The following RAB3GAP1 variants were observed in gnomAD, a reference collection of about 807,000 sequenced individuals.
RAB3GAP1 encodes rab3 GTPase-activating protein catalytic subunit.
Under a neutral mutation model 130.7 loss-of-function variants are expected in RAB3GAP1, and 86 were observed. The observed-to-expected ratio is 0.66, with a 90% CI of 0.55 to 0.79. RAB3GAP1 has a LOEUF of 0.79. RAB3GAP1 is among the 30% of genes least tolerant of loss of function. The pLI, the probability that RAB3GAP1 is intolerant of heterozygous loss-of-function variation, is 0.00. For synonymous variants in RAB3GAP1, 367 were observed against 401.7 expected (o/e 0.91, Z 1.03); for missense variants, 1,029 against 1,169.4 (o/e 0.88, Z 1.75).
intron 3 of RAB3GAP1, among the ~76,000 whole-genome samples, chr2:135,075,501 A>C (rs1689606049): frequency 6.6e-6 from 1 of 152,122 alleles, no homozygotes; most frequent in Non-Finnish European, 1.5e-5. Flanking sequence ...TTGTTACTTT[A>C]ATTCTTGCTT....
At chr2:135,111,188 G>T (rs1690793161) in intron 5 of RAB3GAP1, among the ~76,000 whole-genome samples, 1 of 151,898 alleles carries the variant, frequency 6.6e-6, no homozygotes, top group African/African-American at 2.4e-5. Flanking sequence ...CCTGTTTGGG[G>T]CATTTCTTGA....
intron 5 of RAB3GAP1, among the ~76,000 whole-genome samples, chr2:135,093,931 A>AC (rs1317925947): frequency 6.6e-6 from 1 of 152,208 alleles, no homozygotes; most frequent in Non-Finnish European, 1.5e-5. Flanking sequence ...GGCAAGATGT[A>AC]CTCAGTTCCC....
At chr2:135,117,456 G>GCTTCTT (rs1691010625) in intron 7 of RAB3GAP1, among the ~76,000 whole-genome samples, 8 of 41,912 alleles carry the variant, frequency 1.9e-4, no homozygotes, top group East Asian at 8.9e-4. Flanking sequence ...TTCTTCTTCT[G>GCTTCTT]CTTCTGCTTC....
intron 17 of RAB3GAP1, among the ~76,000 whole-genome samples, chr2:135,145,776 G>A (rs186173652): frequency 3.1e-4 from 47 of 152,174 alleles, no homozygotes; most frequent in East Asian, 5.8e-4. Context: ...ATTATTGCCC[G>A]TCAAGATGCA....
rs111827608 is a variant in RAB3GAP1, at chr2:135,149,509, C to T, written c.1924-860C>T. On this transcript the variant is annotated intron_variant, in intron 17 of 23. Coordinates refer to ENST00000264158, the MANE Select transcript of RAB3GAP1 (RefSeq NM_012233.3). The stretch of plus-strand genomic sequence containing the variant: ...GGAGCCCAAGCTCTTAACCATTATA[C>T]AATACTACATTACAGGTTGTTATTC... 1.1e-3 allele frequency among the ~76,000 whole-genome samples: 175 copies of T among 152,302 alleles called. 1 individual carries two copies. Among genetic ancestry groups the T allele is most frequent in the African/African-American group, 4.1e-3 (170 of 41,566 alleles).
intron 5 of RAB3GAP1, among the ~76,000 whole-genome samples, chr2:135,101,374 A>T (rs911229092): frequency 1.3e-5 from 2 of 152,202 alleles, no homozygotes; most frequent in Admixed American, 6.6e-5. Context: ...TGACAATGAA[A>T]ATTTGAAAAC....
intron 3 of RAB3GAP1, 111 bp from the exon 4 acceptor site, chr2:135,090,887 T>C: frequency 1.1e-6 from 1 of 923,034 alleles, no homozygotes; most frequent in South Asian, 1.4e-5. Context: ...TCTTTGATTG[T>C]ATGGAGGATA....
chr2:135,057,364 A>C (rs960835515), intron 2 of RAB3GAP1, among the ~76,000 whole-genome samples: 3 of 152,134 alleles, frequency 2.0e-5, no homozygotes, highest in African/African-American at 7.2e-5. Flanking sequence ...TAGGTCAGTT[A>C]TTGTGGGTAG....
chr2:135,171,944 C>CCGG (rs1436404074), downstream of RAB3GAP1, among the ~76,000 whole-genome samples: 1 of 152,100 alleles, frequency 6.6e-6, no homozygotes, highest in African/African-American at 2.4e-5. Context: ...AGGAGTGTAC[C>CCGG]CGGCACGTGG....
intron 18 of RAB3GAP1, among the ~76,000 whole-genome samples, chr2:135,153,215 T>C (rs545964633): frequency 7.9e-5 from 12 of 152,374 alleles, no homozygotes; most frequent in Non-Finnish European, 1.6e-4. Context: ...ATTTAATTTT[T>C]ACTTTTCTTA....
At chr2:135,080,895 A>G (rs987799086) in intron 3 of RAB3GAP1, among the ~76,000 whole-genome samples, 1 of 152,118 alleles carries the variant, frequency 6.6e-6, no homozygotes, top group African/African-American at 2.4e-5. Context: ...TAGTGGGATG[A>G]TCTTGATCCA....
At chr2:135,081,530 G>A (rs1360203894) in intron 3 of RAB3GAP1, among the ~76,000 whole-genome samples, 3 of 150,452 alleles carry the variant, frequency 2.0e-5, no homozygotes, top group Non-Finnish European at 4.4e-5. Flanking sequence ...CTGTCTTTTG[G>A]GATTATTGTT....
At position 135,168,635 on chromosome 2, in the gene RAB3GAP1, C is replaced by T. The variant is rs77535003; in HGVS notation, c.2800C>T (p.Pro934Ser). Residue 934 changes from proline to serine, a missense_variant, in exon 24 of 24, where the codon CCT becomes TCT. Coordinates refer to ENST00000264158, the MANE Select transcript of RAB3GAP1 (RefSeq NM_012233.3). The stretch of plus-strand genomic sequence containing the variant: ...GAACTCCGTGTCAGACTTCCCACCC[C>T]CTGCTGGCCGGGAATTCATTTTGCG... ...RQNSVSDFPPPAGREFILRTT... is the reference protein window; with the variant it reads ...RQNSVSDFPPSAGREFILRTT... 1.7e-4 allele frequency: 280 copies of T among 1,614,186 alleles called. No individual in the cohort carries two copies. In the African/African-American group the frequency reaches 2.5e-3, roughly 14 times the overall value.
In RAB3GAP1 at chr2:135,151,581, C is replaced by T. The variant is rs372113415; in HGVS notation, c.2061+1075C>T. ...AACCTCTTAAGAGCTATATGTTTTC[C>T]TTGGAGACTAAAATGATACAGAAAA... On this transcript the variant is annotated intron_variant, in intron 18 of 23. Coordinates refer to ENST00000264158, the MANE Select transcript of RAB3GAP1 (RefSeq NM_012233.3). Among the ~76,000 whole-genome samples the T allele has an allele frequency of 9.1e-4, 138 of 152,150 alleles. 3 individuals are homozygous for T. The South Asian group carries it at 0.026, about 29-fold the overall frequency.
chr2:135,129,158 A>G (rs1199810229), intron 11 of RAB3GAP1, among the ~76,000 whole-genome samples: 1 of 151,482 alleles, frequency 6.6e-6, no homozygotes, highest in Non-Finnish European at 1.5e-5. Flanking sequence ...TCTCAAAAAT[A>G]ATAGTAATAA....
At position 135,093,645 on chromosome 2, in the gene RAB3GAP1, T is replaced by C; in HGVS notation, c.314T>C (p.Leu105Pro). ...DVVPQSMQDL[L>P]GMNNDFPPRA... is the part of the protein sequence containing the mutation. ...GTTCCACAATCTATGCAAGATTTGC[T>C]GGGTATGAATAATGACTTTCCTCCA... Residue 105 changes from leucine to proline, a missense_variant, in exon 5 of 24, where the codon CTG becomes CCG. Transcript: ENST00000264158. 1 of 1,613,782 alleles carries C rather than the reference T, an allele frequency of 6.2e-7. No individual in the cohort carries two copies. Among genetic ancestry groups the C allele is most frequent in the Non-Finnish European group, 8.5e-7 (1 of 1,179,640 alleles).
chr2:135,152,354 T>C (rs1455919073), intron 18 of RAB3GAP1, among the ~76,000 whole-genome samples: 1 of 152,246 alleles, frequency 6.6e-6, no homozygotes, highest in Non-Finnish European at 1.5e-5. Flanking sequence ...TTGGTAGCTA[T>C]GTTCAGCCTA....
chr2:135,113,064 G>A, intron 5 of RAB3GAP1, 87 bp from the exon 6 acceptor site: 3 of 1,573,418 alleles, frequency 1.9e-6, no homozygotes, highest in Non-Finnish European at 2.6e-6. Flanking sequence ...TAAATTTTCT[G>A]TAGTGAAATT....
rs1027660441 is a variant in RAB3GAP1, at chr2:135,091,371, A to T, written c.283+241A>T. ...TACCAGATACTCTTCCAAGCCCTAC[A>T]TTCCAGTAGGGAAGATAAGATAGAT... is the stretch of plus-strand genomic sequence containing the variant. On this transcript the variant is annotated intron_variant, in intron 4 of 23. Transcript: ENST00000264158. Among the ~76,000 whole-genome samples the T allele has an allele frequency of 2.6e-5, 4 of 152,158 alleles. No homozygotes were observed. The East Asian group carries it at 5.8e-4, about 22-fold the overall frequency.
Sources: allele counts gnomAD v4.1 joint callset (sites outside exome capture counted in the v4.1 genomes callset), GRCh38; gene constraint gnomAD v4.1.1; transcripts MANE v1.5; gene names NCBI Gene and HGNC (gene_info 2026-07-23, HGNC 2026-07-21).